The following WIPF3 variants were observed in gnomAD, a reference collection of about 807,000 sequenced individuals.
WIPF3 encodes WAS/WASL-interacting protein family member 3.
Under a neutral mutation model 38.9 loss-of-function variants are expected in WIPF3, and 33 were observed. The observed-to-expected ratio is 0.85, with a 90% confidence interval of 0.64 to 1.14. WIPF3 has a LOEUF of 1.14. Ranked by LOEUF, WIPF3 falls within the 50% of genes most tolerant of loss-of-function variation. WIPF3 has a pLI of 0.00. For missense variants in WIPF3, 711 were observed against 652.5 expected (o/e 1.09, Z -0.98); for synonymous variants, 324 against 269.3 (o/e 1.20, Z -1.99).
In WIPF3 at chr7:29,884,054, C is replaced by T. The variant is rs1480020975; in HGVS notation, c.560C>T (p.Pro187Leu). Residue 187 changes from proline (P) to leucine (L), a missense_variant, in exon 5 of 9, where the codon CCC (proline) becomes CTC (leucine). Transcript: ENST00000242140. ...CCACCCCCTCCGCCTCCACCCTTACCCCCGCCCCTTCCCTCTTCCTCCCCC... is the reference window on the plus strand; with the variant it reads ...CCACCCCCTCCGCCTCCACCCTTACTCCCGCCCCTTCCCTCTTCCTCCCCC... ...PTPPPPPPPL[P>L]PPLPSSSPIK... 2 of 1,416,444 alleles carry T rather than the reference C, an allele frequency of 1.4e-6. No individual in the cohort carries two copies. The highest frequency in any genetic ancestry group is 9.4e-7 in the Non-Finnish European group (1 of 1,063,076). The allele number at this position is 1,416,444 out of a possible 1,614,324, so 87.7% of individuals were successfully genotyped here.
intron 2 of WIPF3, among the ~76,000 whole-genome samples, chr7:29,849,429 A>G (rs1785056238): frequency 6.6e-6 from 1 of 152,242 alleles, no homozygotes; most frequent in Non-Finnish European, 1.5e-5. Context: ...GTACAAGGAC[A>G]TCTATCACTA....
intron 1 of WIPF3, among the ~76,000 whole-genome samples, chr7:29,831,846 G>A (rs1044677988): frequency 3.9e-5 from 6 of 152,132 alleles, no homozygotes; most frequent in African/African-American, 7.2e-5. Flanking sequence ...ACATCACTTC[G>A]ACCTTCATTG....
chr7:29,884,264 T>TGCC lies in WIPF3; in HGVS notation c.770_771insGCC (p.Pro259dup). On this transcript the variant is annotated inframe_insertion, in exon 5 of 9. Coordinates refer to ENST00000242140, the MANE Select transcript of WIPF3 (RefSeq NM_001080529.3). ...AAGCCTCAGCTGGCTCCCTTGCACCTCCCGCCCATCCCGCCCCCGCTCCCT... is the reference window on the plus strand; with the variant it reads ...AAGCCTCAGCTGGCTCCCTTGCACCTGCCCCCGCCCATCCCGCCCCCGCTCCCT... The TGCC allele has an allele frequency of 4.3e-4, 567 of 1,314,974 alleles. No individual in the cohort carries two copies. The highest frequency in any genetic ancestry group is 5.1e-4 in the Non-Finnish European group (509 of 992,434). 81.5% of individuals were successfully genotyped at this position (1,314,974 alleles called of 1,614,324 possible). A position where few individuals can be genotyped will look rare whatever the true frequency, so the allele number is the denominator to read the frequency against.
intron 5 of WIPF3, among the ~76,000 whole-genome samples, chr7:29,886,731 C>T (rs542906250): frequency 6.6e-6 from 1 of 152,160 alleles, no homozygotes; most frequent in Admixed American, 6.5e-5. Flanking sequence ...TGTGGAAACT[C>T]ACACCACTTG....
intron 1 of WIPF3, among the ~76,000 whole-genome samples, chr7:29,833,970 A>G (rs566882335): frequency 1.3e-5 from 2 of 152,312 alleles, no homozygotes; most frequent in South Asian, 2.1e-4. Flanking sequence ...CAGACCTCCT[A>G]TAATATTAAC....
chr7:29,875,353 C>G (rs1346293386), intron 2 of WIPF3, among the ~76,000 whole-genome samples: 1 of 152,130 alleles, frequency 6.6e-6, no homozygotes, highest in Non-Finnish European at 1.5e-5. Flanking sequence ...CTGAGCAAGA[C>G]TTCGGTCTTG....
intron 8 of WIPF3, 78 bp from the exon 9 acceptor site, chr7:29,914,414 TG>T (rs148500629): frequency 0.02 from 24,068 of 1,204,296 alleles, 311 homozygotes; most frequent in Non-Finnish European, 0.024. Flanking sequence ...CCAGCCTGTT[TG>T]GGGGGGTGGA....
intron 4 of WIPF3, among the ~76,000 whole-genome samples, chr7:29,881,017 C>A (rs1400880874): frequency 1.3e-5 from 2 of 152,162 alleles, no homozygotes; most frequent in African/African-American, 4.8e-5. Context: ...CATGTTGCTG[C>A]CACTGGGCGC....
intron 1 of WIPF3, among the ~76,000 whole-genome samples, chr7:29,807,783 C>T (rs1185406445): frequency 6.6e-6 from 1 of 152,182 alleles, no homozygotes; most frequent in African/African-American, 2.4e-5. Context: ...GCCTCTGTGC[C>T]TGGGGTCCTT....
At chr7:29,824,175 G>T (rs1201172459) in intron 1 of WIPF3, among the ~76,000 whole-genome samples, 1 of 152,170 alleles carries the variant, frequency 6.6e-6, no homozygotes, top group African/African-American at 2.4e-5. Flanking sequence ...GGGCATGGTG[G>T]CCCATCCCTG....
chr7:29,827,833 C>G (rs758721052), intron 1 of WIPF3, among the ~76,000 whole-genome samples: 2 of 152,132 alleles, frequency 1.3e-5, no homozygotes, highest in Admixed American at 6.5e-5. Context: ...CTCACTCTGT[C>G]GCCCAGGCTG....
chr7:29,830,293 T>C (rs1784697304), intron 1 of WIPF3, among the ~76,000 whole-genome samples: 2 of 151,606 alleles, frequency 1.3e-5, no homozygotes, highest in African/African-American at 4.9e-5. Context: ...AGCAGAAGAA[T>C]TACAGCCACC....
At chr7:29,820,965 C>T (rs939591503) in intron 1 of WIPF3, among the ~76,000 whole-genome samples, 2 of 152,088 alleles carry the variant, frequency 1.3e-5, no homozygotes, top group Admixed American at 6.5e-5. Context: ...CATTCCTTTC[C>T]GATAGCGTAT....
intron 1 of WIPF3, among the ~76,000 whole-genome samples, chr7:29,809,792 A>C (rs1161587831): frequency 6.6e-6 from 1 of 152,250 alleles, no homozygotes; most frequent in East Asian, 1.9e-4. Flanking sequence ...ACTAAAGCAG[A>C]GTAAACGTGA....
At chr7:29,906,494 G>A (rs1398463332) in intron 8 of WIPF3, among the ~76,000 whole-genome samples, 1 of 151,856 alleles carries the variant, frequency 6.6e-6, no homozygotes, top group African/African-American at 2.4e-5. Flanking sequence ...CAGAAGAACA[G>A]AAAGAAAAAA....
rs1378288307 is a variant in WIPF3, at chr7:29,834,678, A to C, written c.-47A>C. The C allele has an allele frequency of 2.2e-6, 3 of 1,394,446 alleles. No homozygotes were observed. Among genetic ancestry groups the C allele is most frequent in the Non-Finnish European group, 2.8e-6 (3 of 1,072,530 alleles). 86.4% of individuals were successfully genotyped at this position (1,394,446 alleles called of 1,614,324 possible). A position where few individuals can be genotyped will look rare whatever the true frequency, so the allele number is the denominator to read the frequency against. On this transcript the variant is annotated 5_prime_UTR_variant, in exon 2 of 9. Transcript: ENST00000242140. ...TTTTCTCTTTTTCAGAGCAGAAGCC[A>C]CTCTCTTGGGACCATTCATAAGCAG...
rs1436593157 is a variant in WIPF3 at position 29,878,338 on chromosome 7, T to G, written c.224-671T>G. On this transcript the variant is annotated intron_variant, in intron 3 of 8. Transcript: ENST00000242140. The surrounding 1 kb of genome is among the most constrained non-coding windows in gnomAD (Gnocchi z 4.0). ...AAATATTTTCTGCCAGGAATTCTTG[T>G]CTAAGCTGAGTATCTTCTCGTTTTC... 6.6e-6 allele frequency among the ~76,000 whole-genome samples: 1 copy of G among 152,232 alleles called. No individual in the cohort carries two copies. Among genetic ancestry groups the G allele is most frequent in the African/African-American group, 2.4e-5 (1 of 41,450 alleles).
intron 2 of WIPF3, among the ~76,000 whole-genome samples, chr7:29,874,747 C>T (rs995443612): frequency 6.6e-6 from 1 of 152,174 alleles, no homozygotes; most frequent in African/African-American, 2.4e-5. Flanking sequence ...CTCTACTAAC[C>T]CGTGGAAACC....
chr7:29,827,017 T>TA (rs1156961829), intron 1 of WIPF3, among the ~76,000 whole-genome samples: 1 of 152,092 alleles, frequency 6.6e-6, no homozygotes, highest in African/African-American at 2.4e-5. Flanking sequence ...TCATGGTGCT[T>TA]AAAAAAGGGC....
Sources: gnomAD v4.1 joint callset for allele counts (sites outside exome capture counted in the v4.1 genomes callset) on GRCh38, gnomAD v4.1.1 for gene constraint, Gnocchi (gnomAD v3.1) non-coding constraint, MANE v1.5 for transcripts, NCBI Gene and HGNC (gene_info 2026-07-23, HGNC 2026-07-21) for gene names.